Variants in MAPK7 observed in about 807,000 individuals in gnomAD.
The protein encoded by MAPK7 is BMK-1.
MAPK7 carries 30 observed loss-of-function variants against 56.9 expected under a neutral mutation model. The observed-to-expected ratio is 0.53, with a 90% confidence interval of 0.39 to 0.72. The LOEUF (loss-of-function observed/expected upper bound fraction) is 0.72, where lower values mean the gene tolerates loss of function less well. Among genes scored for constraint, MAPK7 ranks in the 30% least tolerant of loss-of-function variants. The pLI is 0.00. For missense variants in MAPK7, 952 were observed against 1,110.8 expected, an observed-to-expected ratio of 0.86 and a Z score of 2.03; for synonymous variants, 516 against 449.3, an observed-to-expected ratio of 1.15 and a Z score of -1.88.
In MAPK7 at chr17:19,383,153, T is replaced by C; in HGVS notation, c.2373T>C (p.Asp791=). Residue 791 remains aspartate (D), a synonymous_variant, in exon 7 of 7, where the codon GAT becomes GAC. Transcript: ENST00000395604. ...AAGGCCATGGCATGAACCCTGCCGA[T>C]ATTGAGTCCCTGCAGCGTGAGATCC... ...WLEGHGMNPA[D]IESLQREIQM... is the part of the protein sequence containing the mutation. 6.2e-7 allele frequency: 1 copy of C among 1,614,096 alleles called. No homozygotes were observed. Among genetic ancestry groups the C allele is most frequent in the South Asian group, 1.1e-5 (1 of 91,076 alleles).
rs775461134 is a variant in MAPK7, at chr17:19,381,541, T to G, written c.1332T>G (p.Pro444=). Residue 444 remains proline (P), a synonymous_variant, in exon 4 of 7, where the codon CCT becomes CCG. Transcript: ENST00000395604. This position sits in a 1 kb window ranked among gnomAD's most constrained non-coding sequence, Gnocchi z 4.6. ...PPPAPPPCPG[P]APDTIDLTLQ... ...CAGCCCCGCCACCATGCCCCGGCCCTGCACCTGACACCATTGATCTGACCC... is the reference window on the plus strand; with the variant it reads ...CAGCCCCGCCACCATGCCCCGGCCCGGCACCTGACACCATTGATCTGACCC... 1.2e-6 allele frequency: 2 copies of G among 1,613,548 alleles called. No individual in the cohort carries two copies. The highest frequency in any genetic ancestry group is 2.7e-5 in the African/African-American group (2 of 74,904).
At position 19,381,209 on chromosome 17, in the gene MAPK7, G is replaced by A. The variant is rs564709382; in HGVS notation, c.1000G>A (p.Ala334Thr). ...TCGCATGCTGCGTTTTGAGCCCAGC[G>A]CTCGCATCTCAGCAGCTGCTGCCCT... ...LGRMLRFEPS[A>T]RISAAAALRH... The change falls in exon 4 of 7, where the codon GCT becomes ACT. Residue 334 changes from alanine to threonine, a missense_variant. Physicochemically the swap from Ala to Thr is moderately conservative, Grantham distance 58 (BLOSUM62 0). Coordinates refer to ENST00000395604, the MANE Select transcript of MAPK7 (RefSeq NM_002749.4). This position sits in a 1 kb window ranked among gnomAD's most constrained non-coding sequence, Gnocchi z 4.6. 3.7e-5 allele frequency: 59 copies of A among 1,614,140 alleles called. 1 individual carries two copies. Among genetic ancestry groups the A allele is most frequent in the South Asian group, 3.2e-4 (29 of 91,088 alleles).
chr17:19,383,341 T>C lies in MAPK7; in HGVS notation c.*110T>C. 1 of 1,241,220 alleles carries C rather than the reference T, an allele frequency of 8.1e-7. No homozygotes were observed. The highest frequency in any genetic ancestry group is 1.1e-6 in the Non-Finnish European group (1 of 900,826). 76.9% of individuals were successfully genotyped at this position (1,241,220 alleles called of 1,614,324 possible). ...AGCAGGTGAGGCTCGGCTTGGATTA[T>C]TCTGCAGGTTCATCTCAGACCCACC... On this transcript the variant is annotated 3_prime_UTR_variant, in exon 7 of 7. Transcript: ENST00000395604.
chr17:19,382,290 C>G lies in MAPK7; in HGVS notation c.1987C>G (p.Leu663Val), dbSNP rs374391055. Reference sequence around the variant, plus strand: ...ACCCCAGATTGCCACCTCCACCAGCCTCCTGGCTGCCCAGTCACTTGTGCC... The same window carrying G: ...ACCCCAGATTGCCACCTCCACCAGCGTCCTGGCTGCCCAGTCACTTGTGCC... The part of the protein sequence containing the change: ...APPQIATSTS[L>V]LAAQSLVPPP... Residue 663 changes from leucine to valine, a missense_variant, in exon 5 of 7, where the codon CTC becomes GTC. Leu to Val is a conservative substitution (Grantham distance 32). Coordinates refer to ENST00000395604, the MANE Select transcript of MAPK7 (RefSeq NM_002749.4). 12 of 1,612,996 alleles carry G rather than the reference C, an allele frequency of 7.4e-6. No homozygotes were observed. The Middle Eastern group carries it at 6.6e-4, about 88-fold the overall frequency.
Position 19,381,052 on chromosome 17 carries a change from A to G in MAPK7, c.843A>G (p.Pro281=), listed in dbSNP as rs1912607147. 1 of 1,614,078 alleles carries G rather than the reference A, an allele frequency of 6.2e-7. No individual in the cohort carries two copies. The highest frequency in any genetic ancestry group is 8.5e-7 in the Non-Finnish European group (1 of 1,180,026). The change falls in exon 4 of 7, where the codon CCA becomes CCG. Residue 281 remains proline, a synonymous_variant. Transcript: ENST00000395604. This position sits in a 1 kb window ranked among gnomAD's most constrained non-coding sequence, Gnocchi z 4.6. The part of the protein sequence containing the change: ...LQLIMMVLGT[P]SPAVIQAVGA... ...TCATCATGATGGTGCTGGGTACCCC[A>G]TCACCAGCCGTGATTCAGGCTGTGG...
rs1216851320 is a variant in MAPK7 at position 19,382,296 on chromosome 17, GC to G, written c.1994del (p.Ala665ValfsTer49). 6.2e-7 allele frequency: 1 copy of G among 1,612,928 alleles called. No individual in the cohort carries two copies. The highest frequency in any genetic ancestry group is 8.5e-7 in the Non-Finnish European group (1 of 1,179,968). ...GATTGCCACCTCCACCAGCCTCCTG[GC>G]TGCCCAGTCACTTGTGCCACCCCCT... ...PQIATSTSLL[A>X]AQSLVPPPGL... On this transcript the variant is annotated frameshift_variant, in exon 5 of 7. Coordinates refer to ENST00000395604, the MANE Select transcript of MAPK7 (RefSeq NM_002749.4). LOFTEE classifies it high-confidence loss of function.
In MAPK7 at chr17:19,383,415, C is replaced by T. The variant is rs967578172; in HGVS notation, c.*184C>T. On this transcript the variant is annotated 3_prime_UTR_variant, in exon 7 of 7. Coordinates refer to ENST00000395604, the MANE Select transcript of MAPK7 (RefSeq NM_002749.4). ...AGCCACCACCGAGCCATGGCAGGATCGGGAGACCCCAACTCCCCCTGAACA... is the reference window on the plus strand; with the variant it reads ...AGCCACCACCGAGCCATGGCAGGATTGGGAGACCCCAACTCCCCCTGAACA... 14 of 546,494 alleles carry T rather than the reference C, an allele frequency of 2.6e-5. No homozygotes were observed. Among genetic ancestry groups the T allele is most frequent in the Non-Finnish European group, 4.2e-5 (13 of 313,062 alleles). 33.9% of individuals were successfully genotyped at this position (546,494 alleles called of 1,614,324 possible).
chr17:19,380,612 G>A lies in MAPK7; in HGVS notation c.403G>A (p.Val135Met), dbSNP rs759078562. Residue 135 changes from valine (V) to methionine (M), a missense_variant, in exon 4 of 7, where the codon GTG becomes ATG. Around this residue, in one of 5 missense-constraint regions of MAPK7, gnomAD observed 213 missense variants for 243.2 expected, o/e 0.88. Transcript: ENST00000395604. Reference sequence around the variant, plus strand: ...TCTCCTTCCTTCCCCTTCCAGCTACGTGGTCCTGGACCTGATGGAAAGCGA... The same window carrying A: ...TCTCCTTCCTTCCCCTTCCAGCTACATGGTCCTGGACCTGATGGAAAGCGA... ...VPYGEFKSVY[V>M]VLDLMESDLH... The A allele has an allele frequency of 2.5e-6, 4 of 1,591,114 alleles. No individual in the cohort carries two copies. The highest frequency in any genetic ancestry group is 3.4e-6 in the Non-Finnish European group (4 of 1,163,774).
At chr17:19,380,354 G>A in intron 3 of MAPK7, 1 of 919,514 alleles carries the variant, frequency 1.1e-6, no homozygotes, top group East Asian at 3.1e-5. Context: ...GGCCAGCCCT[G>A]GTGTAGTCCA....
At chr17:19,380,012 C>A in intron 3 of MAPK7, 65 bp downstream of exon 3, 1 of 1,544,166 alleles carries the variant, frequency 6.5e-7, no homozygotes, top group South Asian at 1.2e-5. Context: ...ACCATGTTGC[C>A]GAAGTTCTGG....
chr17:19,377,891 A>C (rs902423715), upstream of MAPK7: 14 of 985,288 alleles, frequency 1.4e-5, no homozygotes, highest in Non-Finnish European at 1.7e-5. Context: ...CTGCAGTCCA[A>C]CTTGGCCGGA....
In MAPK7 at chr17:19,382,223, C is replaced by G; in HGVS notation, c.1920C>G (p.Pro640=). Residue 640 remains proline (P), a synonymous_variant, in exon 5 of 7, where the codon CCC becomes CCG. Coordinates refer to ENST00000395604, the MANE Select transcript of MAPK7 (RefSeq NM_002749.4). ...QPACPPPGPA[P]HPTGPPGPIP... is the part of the protein sequence containing the mutation. ...CCTGCCCACCCCCTGGCCCTGCACC[C>G]CACCCCACTGGCCCTCCTGGGCCCA... 1 of 1,611,838 alleles carries G rather than the reference C, an allele frequency of 6.2e-7. No homozygotes were observed. The highest frequency in any genetic ancestry group is 8.5e-7 in the Non-Finnish European group (1 of 1,179,504).
At position 19,382,062 on chromosome 17, in the gene MAPK7, C is replaced by T; in HGVS notation, c.1759C>T (p.Pro587Ser). Residue 587 changes from proline to serine, a missense_variant, in exon 5 of 7, where the codon CCG becomes TCG. Pro to Ser is a moderately conservative substitution (Grantham distance 74, BLOSUM62 -1). Coordinates refer to ENST00000395604, the MANE Select transcript of MAPK7 (RefSeq NM_002749.4). ...CGCAGCCCCAGCCCTCACCTCTGTG[C>T]CGGCCCCTGCCCCAGCGCCAACGCC... ...RPAAPALTSV[P>S]APAPAPTPTP... is the part of the protein sequence containing the mutation. 1 of 1,586,686 alleles carries T rather than the reference C, an allele frequency of 6.3e-7. No homozygotes were observed. Among genetic ancestry groups the T allele is most frequent in the South Asian group, 1.1e-5 (1 of 88,214 alleles).
At position 19,378,589 on chromosome 17, in the gene MAPK7, G is replaced by A; in HGVS notation, c.-47G>A. On this transcript the variant is annotated 5_prime_UTR_variant, in exon 1 of 7. Transcript: ENST00000395604. This position sits in a 1 kb window ranked among gnomAD's most constrained non-coding sequence, Gnocchi z 5.4. ...ACCCCCGCGCTGGGGACGGGAGGCC[G>A]GCGAGCCTCGGGACCTCTGAAAGCC... The A allele has an allele frequency of 8.1e-7, 1 of 1,227,946 alleles. No homozygotes were observed. Among genetic ancestry groups the A allele is most frequent in the East Asian group, 3.9e-5 (1 of 25,506 alleles). The allele number at this position is 1,227,946 out of a possible 1,614,324, so 76.1% of individuals were successfully genotyped here.
rs1334478560 is a variant in MAPK7, at chr17:19,382,370, T to G, written c.2067T>G (p.Pro689=). The change falls in exon 5 of 7, where the codon CCT becomes CCG. Residue 689 remains proline, a synonymous_variant. Transcript: ENST00000395604. ...CAGGAGTTTTGCCTTACTTCCCACC[T>G]GGCCTGCCGCCCCCAGACGCCGGGG... The part of the protein sequence containing the change: ...STPGVLPYFP[P]GLPPPDAGGA... The G allele has an allele frequency of 5.0e-6, 8 of 1,613,418 alleles. No homozygotes were observed. Among genetic ancestry groups the G allele is most frequent in the Non-Finnish European group, 6.8e-6 (8 of 1,180,014 alleles).
Position 19,381,403 on chromosome 17 carries a change from G to C in MAPK7, c.1194G>C (p.Gln398His). 5 of 1,614,178 alleles carry C rather than the reference G, an allele frequency of 3.1e-6. No homozygotes were observed. Among genetic ancestry groups the C allele is most frequent in the Non-Finnish European group, 4.2e-6 (5 of 1,180,054 alleles). Residue 398 changes from glutamine (Q) to histidine (H), a missense_variant, in exon 4 of 7, where the codon CAG (glutamine) becomes CAC (histidine). Coordinates refer to ENST00000395604, the MANE Select transcript of MAPK7 (RefSeq NM_002749.4). The surrounding 1 kb of genome is among the most constrained non-coding windows in gnomAD (Gnocchi z 4.6). ...CAAGGCGTGAGGGCATCCGCCAACA[G>C]ATCCGCTTCCAGCCTTCTCTACAGC... ...FHARREGIRQ[Q>H]IRFQPSLQPV...
Position 19,382,151 on chromosome 17 carries a change from G to T in MAPK7, c.1848G>T (p.Pro616=). ...GCCCTGTAGCCCAGCCCACTGGCCC[G>T]CAACCACAATCTGCGGGCTCTACCT... ...PPGPVAQPTG[P]QPQSAGSTSG... is the part of the protein sequence containing the mutation. The change falls in exon 5 of 7, where the codon CCG becomes CCT. Residue 616 remains proline, a synonymous_variant. Coordinates refer to ENST00000395604, the MANE Select transcript of MAPK7 (RefSeq NM_002749.4). 1 of 1,611,940 alleles carries T rather than the reference G, an allele frequency of 6.2e-7. No homozygotes were observed.
In MAPK7 at chr17:19,382,231, C is replaced by A. The variant is rs1912768621; in HGVS notation, c.1928C>A (p.Thr643Asn). 1.2e-6 allele frequency: 2 copies of A among 1,611,672 alleles called. No individual in the cohort carries two copies. The highest frequency in any genetic ancestry group is 1.7e-6 in the Non-Finnish European group (2 of 1,179,432). ...CPPPGPAPHP[T>N]GPPGPIPVPA... Reference sequence around the variant, plus strand: ...CCCCCTGGCCCTGCACCCCACCCCACTGGCCCTCCTGGGCCCATCCCTGTC... The same window carrying A: ...CCCCCTGGCCCTGCACCCCACCCCAATGGCCCTCCTGGGCCCATCCCTGTC... The change falls in exon 5 of 7, where the codon ACT (threonine) becomes AAT (asparagine). Residue 643 changes from threonine (T) to asparagine (N), a missense_variant. Physicochemically the swap from Thr to Asn is moderately conservative, Grantham distance 65 (BLOSUM62 0). This residue lies in a region of MAPK7 where 234 missense variants were observed against 210.4 expected (regional missense o/e 1.11). Coordinates refer to ENST00000395604, the MANE Select transcript of MAPK7 (RefSeq NM_002749.4).
At chr17:19,378,469 C>T (rs1912291218), upstream of MAPK7, 1 of 1,032,172 alleles carries the variant, frequency 9.7e-7, no homozygotes, top group African/African-American at 1.7e-5. This position sits in a 1 kb window ranked among gnomAD's most constrained non-coding sequence, Gnocchi z 5.4. Flanking sequence ...GGAGCGTGGC[C>T]TTGGGAGGCG....
Sources: gnomAD v4.1 joint callset for allele counts on GRCh38, gnomAD v4.1.1 for gene constraint, gnomAD v4.1.1 regional missense constraint, Gnocchi (gnomAD v3.1) non-coding constraint, MANE v1.5 for transcripts, NCBI Gene and HGNC (gene_info 2026-07-23, HGNC 2026-07-21) for gene names.